Variants in EFR3B observed in about 807,000 individuals in gnomAD.
EFR3B encodes the protein protein EFR3 homolog B.
In EFR3B, 64 loss-of-function variants were observed where a neutral mutation model predicts 104.7. The ratio of observed to expected loss-of-function variants is 0.61; its 90% CI spans 0.50 to 0.75. EFR3B has a LOEUF of 0.75. Ranked by LOEUF, EFR3B falls within the 30% of genes least tolerant of loss-of-function variation. The probability of loss-of-function intolerance (pLI) is 0.00; values close to 1 mark genes in which losing one functional copy is unlikely to be tolerated. For missense variants in EFR3B, 750 were observed against 1,078.5 expected (o/e 0.70, Z 4.27); for synonymous variants, 385 against 417.9 (o/e 0.92, Z 0.96).
chr2:25,119,118 C>T (rs537226407), intron 4 of EFR3B, among the ~76,000 whole-genome samples: 7 of 152,144 alleles, frequency 4.6e-5, no homozygotes, highest in Non-Finnish European at 1.0e-4. Context: ...CTTACACACA[C>T]AGGGAGTCTT....
chr2:25,152,417 C>T (rs1010700494), intron 21 of EFR3B, among the ~76,000 whole-genome samples: 2 of 152,220 alleles, frequency 1.3e-5, no homozygotes, highest in African/African-American at 4.8e-5. Flanking sequence ...TGATGAGCCG[C>T]TTTCATTCTC....
rs547784166 is a variant in EFR3B, at chr2:25,045,096, G to A, written c.7+2777G>A. Among the ~76,000 whole-genome samples, 8 of 152,264 alleles carry A rather than the reference G, an allele frequency of 5.3e-5. No individual in the cohort carries two copies. The South Asian group carries it at 1.7e-3, about 32-fold the overall frequency. On this transcript the variant is annotated intron_variant, in intron 1 of 22. Coordinates refer to ENST00000403714, the MANE Select transcript of EFR3B (RefSeq NM_014971.2). ...CAAGAGGTTCCGAGCTCCTGAAACT[G>A]GTTGCTCAAGAGCCTGTCCTCTTTG...
chr2:25,143,830 G>A lies in EFR3B; in HGVS notation c.2018G>A (p.Arg673Gln), dbSNP rs1464417811. The A allele has an allele frequency of 4.5e-6, 7 of 1,551,646 alleles. No individual in the cohort carries two copies. Among genetic ancestry groups the A allele is most frequent in the East Asian group, 4.9e-5 (2 of 40,916 alleles). The change falls in exon 18 of 23, where the codon CGG becomes CAG. Residue 673 changes from arginine (R) to glutamine (Q), a missense_variant. Transcript: ENST00000403714. ...VLGGSGYNSD[R>Q]LCLPYIPQLT... ...GGAGGCAGTGGCTACAACTCGGACC[G>A]GCTCTGCCTGCCCTACATTCCTCAG...
rs574345170 is a variant in EFR3B, at chr2:25,044,115, A to C, written c.7+1796A>C. On this transcript the variant is annotated intron_variant, in intron 1 of 22. Coordinates refer to ENST00000403714, the MANE Select transcript of EFR3B (RefSeq NM_014971.2). ...TCTCAGGTTTTCATTTCTCTTTTAT[A>C]ATATATTTTTATTTCCCCAGATGCA... Among the ~76,000 whole-genome samples, 36 of 152,164 alleles carry C rather than the reference A, an allele frequency of 2.4e-4. No homozygotes were observed. In the South Asian group the frequency reaches 7.5e-3, roughly 32 times the overall value.
Position 25,130,963 on chromosome 2 carries a change from C to G in EFR3B, c.849+333C>G, listed in dbSNP as rs1240528806. 6.6e-6 allele frequency among the ~76,000 whole-genome samples: 1 copy of G among 152,272 alleles called. No individual in the cohort carries two copies. The highest frequency in any genetic ancestry group is 1.5e-5 in the Non-Finnish European group (1 of 68,050). On this transcript the variant is annotated intron_variant, in intron 8 of 22. Coordinates refer to ENST00000403714, the MANE Select transcript of EFR3B (RefSeq NM_014971.2). The surrounding 1 kb of genome is among the most constrained non-coding windows in gnomAD (Gnocchi z 4.6). ...CTAAACACTGACTTTCCATCCCATC[C>G]TTATCTCAGTGTAAACCAATATCAG... is the stretch of plus-strand genomic sequence containing the variant.
At chr2:25,053,131 T>C (rs1010309866) in intron 1 of EFR3B, among the ~76,000 whole-genome samples, 1 of 152,122 alleles carries the variant, frequency 6.6e-6, no homozygotes, top group Non-Finnish European at 1.5e-5. Flanking sequence ...TCATGTGTTA[T>C]TAATAATTTG....
chr2:25,117,072 G>C (rs1669881680), intron 4 of EFR3B, among the ~76,000 whole-genome samples: 1 of 152,160 alleles, frequency 6.6e-6, no homozygotes, highest in Non-Finnish European at 1.5e-5. Context: ...CTGAGGAAGA[G>C]GAAAGTCAAA....
chr2:25,052,442 TTAC>T (rs1289242873), intron 1 of EFR3B, among the ~76,000 whole-genome samples: 2 of 152,116 alleles, frequency 1.3e-5, no homozygotes, highest in Non-Finnish European at 2.9e-5. Context: ...AACAACACAG[TTAC>T]TGTTAATGTG....
chr2:25,057,418 A>C (rs1327701935), intron 1 of EFR3B, among the ~76,000 whole-genome samples: 6 of 151,922 alleles, frequency 3.9e-5, no homozygotes, highest in Admixed American at 1.3e-4. Context: ...CTAACAAAAA[A>C]AAAAACAAAA....
chr2:25,113,693 GA>G (rs996211463), intron 4 of EFR3B, among the ~76,000 whole-genome samples: 4 of 141,348 alleles, frequency 2.8e-5, no homozygotes, highest in Non-Finnish European at 4.7e-5. Context: ...GAAAAGAAAA[GA>G]AAAAAAAAGA....
In EFR3B at chr2:25,136,099, T is replaced by G. The variant is rs551707764; in HGVS notation, c.1485-424T>G. 1.6e-4 allele frequency among the ~76,000 whole-genome samples: 24 copies of G among 152,184 alleles called. No individual in the cohort carries two copies. The highest frequency in any genetic ancestry group is 3.1e-4 in the Non-Finnish European group (21 of 68,008). On this transcript the variant is annotated intron_variant, in intron 13 of 22. Transcript: ENST00000403714. This position sits in a 1 kb window ranked among gnomAD's most constrained non-coding sequence, Gnocchi z 4.0. ...GAGAGGCCAAGGTGGGATGATCACTTAAGCCCAAGAGTTCAAGACCAGCCA... is the reference window on the plus strand; with the variant it reads ...GAGAGGCCAAGGTGGGATGATCACTGAAGCCCAAGAGTTCAAGACCAGCCA...
At chr2:25,110,469 T>C (rs1389768772) in intron 4 of EFR3B, among the ~76,000 whole-genome samples, 1 of 152,108 alleles carries the variant, frequency 6.6e-6, no homozygotes, top group Non-Finnish European at 1.5e-5. Flanking sequence ...TGCCTTCTTC[T>C]CCCACTCAGG....
At chr2:25,142,132 C>T (rs1670685885) in intron 17 of EFR3B, among the ~76,000 whole-genome samples, 1 of 152,080 alleles carries the variant, frequency 6.6e-6, no homozygotes, top group African/African-American at 2.4e-5. Flanking sequence ...GAACCCATCT[C>T]TACAAAAAAT....
At chr2:25,116,295 T>C (rs1275751479) in intron 4 of EFR3B, among the ~76,000 whole-genome samples, 1 of 152,144 alleles carries the variant, frequency 6.6e-6, no homozygotes, top group African/African-American at 2.4e-5. Context: ...CTCTACTTTA[T>C]TCATGTTCCT....
chr2:25,087,431 C>A (rs1390805152), intron 1 of EFR3B, among the ~76,000 whole-genome samples: 3 of 151,608 alleles, frequency 2.0e-5, no homozygotes, highest in Non-Finnish European at 4.4e-5. Context: ...CAAATACTTT[C>A]TCCTAGTCTA....
rs1239227499 is a variant in EFR3B at position 25,132,943 on chromosome 2, G to A, written c.1188G>A (p.Glu396=). 5.0e-5 allele frequency: 77 copies of A among 1,551,566 alleles called. No homozygotes were observed. The highest frequency in any genetic ancestry group is 9.8e-5 in the Admixed American group (5 of 50,998). ...CGCTGCCCACCTACCAGCGCTCCGAGGTGATCCTCTTCATCATGAGCAAGG... is the reference window on the plus strand; with the variant it reads ...CGCTGCCCACCTACCAGCGCTCCGAAGTGATCCTCTTCATCATGAGCAAGG... ...ASTLPTYQRS[E]VILFIMSKVP... The change falls in exon 11 of 23, where the codon GAG becomes GAA. Residue 396 remains glutamate, a synonymous_variant. Transcript: ENST00000403714.
intron 1 of EFR3B, among the ~76,000 whole-genome samples, chr2:25,054,461 ACAG>A (rs1450545975): frequency 6.6e-6 from 1 of 151,956 alleles, no homozygotes; most frequent in Admixed American, 6.6e-5. Flanking sequence ...AGCTGGGATT[ACAG>A]GCAGCTGCCA....
chr2:25,103,859 C>T (rs910777429), intron 4 of EFR3B, 72 bp downstream of exon 4: 53 of 1,528,150 alleles, frequency 3.5e-5, no homozygotes, highest in Admixed American at 2.4e-4. Context: ...AGGGAGACCT[C>T]GGGGTCGGCA....
At chr2:25,120,858 CT>C (rs1233741991) in intron 4 of EFR3B, among the ~76,000 whole-genome samples, 1 of 152,170 alleles carries the variant, frequency 6.6e-6, no homozygotes, top group Non-Finnish European at 1.5e-5. Context: ...AAATGGCAAA[CT>C]TTAAAAATGG....
Sources: allele counts gnomAD v4.1 joint callset (sites outside exome capture counted in the v4.1 genomes callset), GRCh38; gene constraint gnomAD v4.1.1; non-coding constraint Gnocchi (gnomAD v3.1); transcripts MANE v1.5; gene names NCBI Gene and HGNC (gene_info 2026-07-23, HGNC 2026-07-21).